Variants in TTC16 observed in about 807,000 individuals in gnomAD.
TTC16 encodes the protein tetratricopeptide repeat protein 16.
TTC16 carries 66 observed loss-of-function variants against 80.4 expected under a neutral mutation model. That is an observed-to-expected ratio of 0.82 (90% CI 0.67 to 1.01). The LOEUF is 1.01. Ranked by LOEUF, TTC16 falls within the 50% of genes least tolerant of loss-of-function variation. TTC16 has a pLI of 0.00. For missense variants in TTC16, 1,070 were observed against 1,103.2 expected (o/e 0.97, Z 0.43); for synonymous variants, 438 against 451.3 (o/e 0.97, Z 0.37).
At position 127,723,186 on chromosome 9, in the gene TTC16, T is replaced by C; in HGVS notation, c.725T>C (p.Met242Thr). Residue 242 changes from methionine (M) to threonine (T), a missense_variant, in exon 7 of 14, where the codon ATG becomes ACG. Met to Thr is a moderately conservative substitution (Grantham distance 81). Transcript: ENST00000373289. ...AATCCCAAGCACCCGCAGGCCAGGA[T>C]GCTGCTCCAGAAGATGGTGGCCCAG... ...LLNPKHPQAR[M>T]LLQKMVAQAQ... 6.2e-7 allele frequency: 1 copy of C among 1,612,846 alleles called. No individual in the cohort carries two copies. The highest frequency in any genetic ancestry group is 8.5e-7 in the Non-Finnish European group (1 of 1,180,030).
intron 9 of TTC16, among the ~76,000 whole-genome samples, chr9:127,725,811 G>C (rs979629113): frequency 6.6e-6 from 1 of 151,876 alleles, no homozygotes; most frequent in Non-Finnish European, 1.5e-5. Context: ...TGCTGGCCAG[G>C]CTGGTCTCAA....
At chr9:127,719,466 G>A (rs770486485) in intron 4 of TTC16, among the ~76,000 whole-genome samples, 1 of 152,164 alleles carries the variant, frequency 6.6e-6, no homozygotes, top group East Asian at 1.9e-4. Context: ...GTTTGTGTTA[G>A]TTCTGCTGAT....
In TTC16 at chr9:127,727,435, G is replaced by A. The variant is rs1318057420; in HGVS notation, c.1734G>A (p.Glu578=). The A allele has an allele frequency of 1.9e-6, 3 of 1,600,994 alleles. No homozygotes were observed. The highest frequency in any genetic ancestry group is 1.7e-6 in the Non-Finnish European group (2 of 1,174,252). Residue 578 remains glutamate, a synonymous_variant, in exon 12 of 14, where the codon GAG becomes GAA. Coordinates refer to ENST00000373289, the MANE Select transcript of TTC16 (RefSeq NM_144965.3). ...SSEGEAEAPE[E]EEEKEKEKKE... is the part of the protein sequence containing the mutation. ...AGGGAGAGGCTGAGGCCCCTGAGGA[G>A]GAGGAAGAAAAGGAGAAGGAGAAAA...
At chr9:127,728,746 C>T (rs1324276415) in intron 12 of TTC16, 1 of 152,118 alleles carries the variant, frequency 6.6e-6, no homozygotes, top group Non-Finnish European at 1.5e-5. Context: ...TGCAGTGAGC[C>T]GTAATCATAC....
intron 6 of TTC16, 112 bp downstream of exon 6, chr9:127,720,507 CAG>C: frequency 1.4e-6 from 2 of 1,395,020 alleles, no homozygotes; most frequent in Non-Finnish European, 2.0e-6. Context: ...CCCCATCCCA[CAG>C]TGCAGTGGGT....
rs980850662 is a variant in TTC16 at position 127,718,213 on chromosome 9, G to C, written c.426+441G>C. 2.6e-5 allele frequency among the ~76,000 whole-genome samples: 4 copies of C among 151,948 alleles called. No individual in the cohort carries two copies. Among genetic ancestry groups the C allele is most frequent in the African/African-American group, 7.2e-5 (3 of 41,430 alleles). On this transcript the variant is annotated intron_variant, in intron 4 of 13. Coordinates refer to ENST00000373289, the MANE Select transcript of TTC16 (RefSeq NM_144965.3). This position sits in a 1 kb window ranked among gnomAD's most constrained non-coding sequence, Gnocchi z 4.6. ...AGCAATTCTCCTGCCTCAGCCTCCT[G>C]AGTAGCTGGGACTACAGGCACACGC...
chr9:127,727,163 T>C (rs1844046074), intron 11 of TTC16, 51 bp downstream of exon 11: 1 of 1,526,436 alleles, frequency 6.6e-7, no homozygotes, highest in Non-Finnish European at 8.8e-7. Context: ...TGGCTGCAGC[T>C]CCAGGCTCCT....
intron 4 of TTC16, 24 bp from the exon 5 acceptor site, chr9:127,720,054 A>G: frequency 6.2e-7 from 1 of 1,611,590 alleles, no homozygotes; most frequent in Non-Finnish European, 8.5e-7. Context: ...GGCAAGCAGA[A>G]TTGACTGTCC....
chr9:127,729,260 C>T (rs539295531), intron 12 of TTC16: 2 of 274,508 alleles, frequency 7.3e-6, no homozygotes, highest in South Asian at 8.4e-5. Context: ...CGTAAGCATT[C>T]CCCAGGGCAC....
At chr9:127,725,487 C>T (rs1411953469) in intron 9 of TTC16, among the ~76,000 whole-genome samples, 2 of 134,636 alleles carry the variant, frequency 1.5e-5, no homozygotes, top group African/African-American at 5.6e-5. Flanking sequence ...TGGCGTGAAC[C>T]CGGGAGGTGG....
rs775148661 is a variant in TTC16 at position 127,731,396 on chromosome 9, A to G, written c.2613A>G (p.Glu871=). ...TEVDQDLTYY[E]AV ...TTGATCAGGACCTCACCTACTATGA[A>G]GCTGTCTGAAGGGACCATCCAGACC... Residue 871 remains glutamate, a synonymous_variant, in exon 14 of 14, where the codon GAA becomes GAG. Coordinates refer to ENST00000373289, the MANE Select transcript of TTC16 (RefSeq NM_144965.3). 6.2e-7 allele frequency: 1 copy of G among 1,611,006 alleles called. No homozygotes were observed. Among genetic ancestry groups the G allele is most frequent in the South Asian group, 1.1e-5 (1 of 90,926 alleles).
intron 2 of TTC16, 121 bp from the exon 3 acceptor site, chr9:127,717,213 G>A (rs903890296): frequency 1.3e-5 from 16 of 1,197,020 alleles, no homozygotes; most frequent in Admixed American, 2.0e-5. Context: ...CTGGGCTTCT[G>A]TCTACTCCTC....
chr9:127,719,040 A>T (rs1026285690), intron 4 of TTC16, among the ~76,000 whole-genome samples: 1 of 151,464 alleles, frequency 6.6e-6, no homozygotes. Flanking sequence ...GTGAAACCTC[A>T]TCTCTACTAA....
Position 127,720,249 on chromosome 9 carries a change from G to A in TTC16, c.528-17G>A, listed in dbSNP as rs374809128. On this transcript the variant is annotated splice_polypyrimidine_tract_variant and intron_variant, in intron 5 of 13. Transcript: ENST00000373289. ...GCCCCACCCGGGAAACGAGCACTCT[G>A]TGCCCTCTGCCCTCAGCATGGCCTG... The A allele has an allele frequency of 2.0e-5, 32 of 1,613,240 alleles. No individual in the cohort carries two copies. Among genetic ancestry groups the A allele is most frequent in the Non-Finnish European group, 2.5e-5 (30 of 1,179,964 alleles).
chr9:127,717,527 A>C, intron 3 of TTC16, 102 bp from the exon 4 acceptor site: 2 of 1,571,632 alleles, frequency 1.3e-6, no homozygotes, highest in Non-Finnish European at 1.7e-6. Context: ...CAAGTCCCTG[A>C]TGGGAATTGG....
In TTC16 at chr9:127,719,245, C is replaced by T. The variant is rs572732217; in HGVS notation, c.427-833C>T. ...AAAAAATTCTGTTCTTAAAAAGAAA[C>T]ATTTGGGGCCCTCAGACCATGTGTG... is the stretch of plus-strand genomic sequence containing the variant. On this transcript the variant is annotated intron_variant, in intron 4 of 13. Transcript: ENST00000373289. Among the ~76,000 whole-genome samples, 28 of 151,516 alleles carry T rather than the reference C, an allele frequency of 1.8e-4. No homozygotes were observed. In the South Asian group the frequency reaches 5.9e-3, roughly 32 times the overall value.
At chr9:127,727,165 C>T in intron 11 of TTC16, 53 bp downstream of exon 11, 1 of 1,526,632 alleles carries the variant, frequency 6.6e-7, no homozygotes, top group Non-Finnish European at 8.8e-7. Flanking sequence ...GCTGCAGCTC[C>T]AGGCTCCTCT....
intron 2 of TTC16, 140 bp downstream of exon 2, chr9:127,717,156 C>A: frequency 7.8e-7 from 1 of 1,288,378 alleles, no homozygotes; most frequent in Non-Finnish European, 1.1e-6. Flanking sequence ...TCAGTGGGAA[C>A]GAGGCTGATG....
intron 10 of TTC16, among the ~76,000 whole-genome samples, chr9:127,726,652 G>A (rs555413): frequency 0.13 from 20,274 of 152,034 alleles, 1,578 homozygotes; most frequent in South Asian, 0.23. Flanking sequence ...GCCAGGCATG[G>A]TGGTGCACGG....
Sources: gnomAD v4.1 joint callset for allele counts (sites outside exome capture counted in the v4.1 genomes callset) on GRCh38, gnomAD v4.1.1 for gene constraint, Gnocchi (gnomAD v3.1) non-coding constraint, MANE v1.5 for transcripts, NCBI Gene and HGNC (gene_info 2026-07-23, HGNC 2026-07-21) for gene names.